Variants in CTNNA3 observed in about 807,000 individuals in gnomAD.
The protein encoded by CTNNA3 is catenin alpha 3.
CTNNA3 carries 76 observed loss-of-function variants against 95.7 expected under a neutral mutation model. The ratio of observed to expected loss-of-function variants is 0.79; its 90% confidence interval spans 0.66 to 0.96. CTNNA3 has a LOEUF of 0.96. CTNNA3 is among the 40% of genes least tolerant of loss of function. The pLI, the probability that CTNNA3 is intolerant of heterozygous loss-of-function variation, is 0.00. For missense variants in CTNNA3, 1,191 were observed against 1,089.8 expected (o/e 1.09, Z -1.31); for synonymous variants, 431 against 374.4 (o/e 1.15, Z -1.74).
At chr10:66,751,437 C>T (rs1839135054) in intron 9 of CTNNA3, among the ~76,000 whole-genome samples, 1 of 152,196 alleles carries the variant, frequency 6.6e-6, no homozygotes, top group African/African-American at 2.4e-5. Context: ...ATGTCATCTA[C>T]AAACGAAGAC....
chr10:65,929,852 C>A (rs545841500), intron 17 of CTNNA3, among the ~76,000 whole-genome samples: 1 of 152,114 alleles, frequency 6.6e-6, no homozygotes, highest in South Asian at 2.1e-4. Flanking sequence ...AGGTGTGAGC[C>A]ACCGTGCCTG....
At chr10:66,219,387 A>G (rs1402453478) in intron 13 of CTNNA3, among the ~76,000 whole-genome samples, 1 of 152,106 alleles carries the variant, frequency 6.6e-6, no homozygotes, top group East Asian at 1.9e-4. Flanking sequence ...TCCCTCCTAT[A>G]TTGTATTAGG....
At chr10:66,502,334 C>A (rs1231850489) in intron 11 of CTNNA3, among the ~76,000 whole-genome samples, 3 of 152,044 alleles carry the variant, frequency 2.0e-5, no homozygotes, top group Non-Finnish European at 4.4e-5. Flanking sequence ...TGGCTTTGCA[C>A]CCTGACATCT....
At chr10:67,341,347 C>T (rs2132614730) in intron 5 of CTNNA3, among the ~76,000 whole-genome samples, 1 of 152,264 alleles carries the variant, frequency 6.6e-6, no homozygotes, top group East Asian at 1.9e-4. Flanking sequence ...CTCCCCACAA[C>T]TACACTTCCC....
intron 7 of CTNNA3, among the ~76,000 whole-genome samples, chr10:66,942,548 GTCTCTC>G (rs67598003): frequency 0.062 from 9,136 of 147,816 alleles, 375 homozygotes; most frequent in East Asian, 0.2. Context: ...TTGCCATAAT[GTCTCTC>G]TCTCTCTCTC....
chr10:66,078,647 G>T (rs1454202198), intron 14 of CTNNA3, among the ~76,000 whole-genome samples: 1 of 151,830 alleles, frequency 6.6e-6, no homozygotes, highest in Non-Finnish European at 1.5e-5. Context: ...TATCAAAACT[G>T]TCCTGTATTT....
chr10:67,260,683 G>GA (rs1564518755), intron 5 of CTNNA3, among the ~76,000 whole-genome samples: 2 of 147,960 alleles, frequency 1.4e-5, no homozygotes, highest in African/African-American at 2.5e-5. Context: ...TTGTTTTTTT[G>GA]TTTTTTTTTT....
chr10:67,057,976 C>G (rs1034056933), intron 7 of CTNNA3, among the ~76,000 whole-genome samples: 1 of 152,106 alleles, frequency 6.6e-6, no homozygotes, highest in Non-Finnish European at 1.5e-5. Context: ...GAATGATAGG[C>G]AATCAGCAGG....
intron 7 of CTNNA3, among the ~76,000 whole-genome samples, chr10:66,907,646 G>A (rs151212698): frequency 1.2e-3 from 188 of 152,136 alleles, no homozygotes; most frequent in African/African-American, 4.0e-3. Flanking sequence ...ATGAGTTTGC[G>A]CAATGATTTA....
rs551683164 is a variant in CTNNA3 at position 67,083,399 on chromosome 10, CA to C, written c.1047+96917del. ...ACCATCTAGGAAATTTGTCTCAGTG[CA>C]AAAAAAAAAAGTATAGTCCTATCTT... On this transcript the variant is annotated intron_variant, in intron 7 of 17. Transcript: ENST00000433211. Among the ~76,000 whole-genome samples the C allele has an allele frequency of 1.2e-3, 174 of 142,178 alleles. 1 individual carries two copies. The highest frequency in any genetic ancestry group is 3.6e-3 in the Middle Eastern group (1 of 276). The allele number at this position is 142,178 out of a possible 152,430, so 93.3% of individuals were successfully genotyped here. A position where few individuals can be genotyped will look rare whatever the true frequency, so the allele number is the denominator to read the frequency against.
At chr10:66,368,042 T>C (rs1356766606) in intron 12 of CTNNA3, among the ~76,000 whole-genome samples, 1 of 151,488 alleles carries the variant, frequency 6.6e-6, no homozygotes, top group Non-Finnish European at 1.5e-5. Flanking sequence ...GAATCACTAT[T>C]TCAGCATTCC....
chr10:67,726,631 T>C (rs1242462840), intron 1 of CTNNA3, among the ~76,000 whole-genome samples: 3 of 5,748 alleles, frequency 5.2e-4, no homozygotes, highest in Non-Finnish European at 6.9e-4. Context: ...ATATATTATA[T>C]TATATATAAT....
intron 5 of CTNNA3, among the ~76,000 whole-genome samples, chr10:67,471,142 A>G (rs1847807697): frequency 1.3e-5 from 2 of 152,114 alleles, no homozygotes; most frequent in African/African-American, 4.8e-5. Context: ...CTTTAGTCTT[A>G]ACAAGTAATT....
At chr10:67,179,494 CAAAAAA>C (rs35292826) in intron 7 of CTNNA3, among the ~76,000 whole-genome samples, 1 of 85,292 alleles carries the variant, frequency 1.2e-5, no homozygotes, top group Admixed American at 1.4e-4. Context: ...GCTAAAACTT[CAAAAAA>C]AAAAAAAAAA....
chr10:66,026,303 C>A (rs1332595268), intron 15 of CTNNA3, among the ~76,000 whole-genome samples: 1 of 152,066 alleles, frequency 6.6e-6, no homozygotes, highest in African/African-American at 2.4e-5. Flanking sequence ...TCCTAAAAGG[C>A]TTTTTATATT....
At chr10:67,359,354 T>G (rs1478650852) in intron 5 of CTNNA3, among the ~76,000 whole-genome samples, 1 of 151,704 alleles carries the variant, frequency 6.6e-6, no homozygotes, top group African/African-American at 2.4e-5. Flanking sequence ...CTTCAAAAGA[T>G]CACACTACCT....
chr10:67,224,835 C>T (rs1323196954), intron 5 of CTNNA3, among the ~76,000 whole-genome samples: 1 of 152,152 alleles, frequency 6.6e-6, no homozygotes, highest in Non-Finnish European at 1.5e-5. Flanking sequence ...AAAATTCCAG[C>T]TGAACTTCGT....
intron 2 of CTNNA3, among the ~76,000 whole-genome samples, chr10:67,612,481 G>A (rs1480517601): frequency 6.6e-6 from 1 of 151,994 alleles, no homozygotes; most frequent in African/African-American, 2.4e-5. Context: ...TGTGCAAAGG[G>A]GCAGAGAAAA....
At chr10:66,030,774 G>A (rs2079434265) in intron 15 of CTNNA3, among the ~76,000 whole-genome samples, 1 of 152,046 alleles carries the variant, frequency 6.6e-6, no homozygotes, top group Non-Finnish European at 1.5e-5. Context: ...CTACAGAATG[G>A]AGTAAAATAT....
Sources: gnomAD v4.1 joint callset for allele counts (sites outside exome capture counted in the v4.1 genomes callset) on GRCh38, gnomAD v4.1.1 for gene constraint, MANE v1.5 for transcripts, NCBI Gene and HGNC (gene_info 2026-07-23, HGNC 2026-07-21) for gene names.